HTR1F: variants seen among roughly 807,000 people sequenced by gnomAD.
The protein encoded by HTR1F is 5-hydroxytryptamine (serotonin) receptor 1F, G protein-coupled.
In HTR1F, 17 loss-of-function variants were observed where a neutral mutation model predicts 24.0. The observed-to-expected ratio is 0.71, with a 90% confidence interval of 0.48 to 1.06. The LOEUF is 1.06. HTR1F is among the 50% of genes least tolerant of loss of function. HTR1F has a pLI of 0.00. For synonymous variants in HTR1F, 186 were observed against 156.8 expected, an observed-to-expected ratio of 1.19 and a Z score of -1.39; for missense variants, 391 against 427.8, an observed-to-expected ratio of 0.91 and a Z score of 0.76.
Position 87,991,331 on chromosome 3 carries a change from G to C in HTR1F, c.582G>C (p.Leu194=), listed in dbSNP as rs200158656. ...CATTTGGAGCTTTCTACATCCCACT[G>C]GCATTGATTTTGATCCTTTACTACA... ...YSTFGAFYIP[L]ALILILYYKI... Residue 194 remains leucine (L), a synonymous_variant, in exon 3 of 3, where the codon CTG becomes CTC. Transcript: ENST00000319595. 31 of 1,613,836 alleles carry C rather than the reference G, an allele frequency of 1.9e-5. 1 individual carries two copies. Among genetic ancestry groups the C allele is most frequent in the Non-Finnish European group, 2.6e-5 (31 of 1,179,962 alleles).
chr3:87,932,221 A>G (rs1271836075), intron 2 of HTR1F, among the ~76,000 whole-genome samples: 1 of 152,130 alleles, frequency 6.6e-6, no homozygotes, highest in East Asian at 1.9e-4. Context: ...TAATTTTTGT[A>G]TAAGGTGTAA....
At chr3:87,801,195 A>G (rs1382530778) in intron 1 of HTR1F, among the ~76,000 whole-genome samples, 1 of 152,230 alleles carries the variant, frequency 6.6e-6, no homozygotes. Context: ...TCTTTTGCAG[A>G]GGCTTAACTT....
intron 2 of HTR1F, among the ~76,000 whole-genome samples, chr3:87,904,707 C>A (rs1703620526): frequency 6.6e-6 from 1 of 152,068 alleles, no homozygotes; most frequent in African/African-American, 2.4e-5. Flanking sequence ...AACTCACTAT[C>A]ATAATGTTGA....
chr3:87,888,615 G>C (rs1218545521), intron 2 of HTR1F, among the ~76,000 whole-genome samples: 1 of 152,026 alleles, frequency 6.6e-6, no homozygotes, highest in East Asian at 1.9e-4. Flanking sequence ...TGGGAAATCT[G>C]GTTATTGAAT....
In HTR1F at chr3:87,884,956, T is replaced by C. The variant is rs144966565; in HGVS notation, c.-43+62832T>C. On this transcript the variant is annotated intron_variant, in intron 2 of 2. Transcript: ENST00000319595. ...ATGAGTCAGAAGGTTAACAAGGATA[T>C]CCAGGACTTGAACTCAGCTCTGCAT... Among the ~76,000 whole-genome samples the C allele has an allele frequency of 1.3e-3, 205 of 152,254 alleles. 2 individuals are homozygous for C. Among genetic ancestry groups the C allele is most frequent in the African/African-American group, 4.7e-3 (196 of 41,556 alleles).
chr3:87,934,812 C>T (rs10511135), intron 2 of HTR1F, among the ~76,000 whole-genome samples: 3 of 152,110 alleles, frequency 2.0e-5, no homozygotes, highest in Admixed American at 6.6e-5. Flanking sequence ...CTAAGAAGTA[C>T]GGAGTTGCAT....
intron 2 of HTR1F, among the ~76,000 whole-genome samples, chr3:87,910,741 A>G (rs900062894): frequency 9.9e-5 from 15 of 152,050 alleles, no homozygotes; most frequent in African/African-American, 3.6e-4. Context: ...TCCTCAGCAA[A>G]TTCAAAAGAA....
At chr3:87,959,992 T>C (rs2107476785) in intron 2 of HTR1F, among the ~76,000 whole-genome samples, 1 of 152,128 alleles carries the variant, frequency 6.6e-6, no homozygotes, top group South Asian at 2.1e-4. Context: ...AATAGTAACA[T>C]TATTTCTTTT....
At chr3:87,873,662 G>A (rs1575972166) in intron 2 of HTR1F, among the ~76,000 whole-genome samples, 1 of 152,066 alleles carries the variant, frequency 6.6e-6, no homozygotes. Context: ...CACAAATATT[G>A]ATGCAAAAAT....
At chr3:87,867,366 T>A (rs184842386) in intron 2 of HTR1F, among the ~76,000 whole-genome samples, 1 of 151,952 alleles carries the variant, frequency 6.6e-6, no homozygotes, top group Admixed American at 6.6e-5. Context: ...TGTCTCTCTC[T>A]CTCTCTCTCA....
chr3:87,887,041 A>C (rs538574601), intron 2 of HTR1F, among the ~76,000 whole-genome samples: 1 of 152,300 alleles, frequency 6.6e-6, no homozygotes, highest in South Asian at 2.1e-4. Flanking sequence ...AAAAAGAACA[A>C]AGCTGGAGGC....
intron 2 of HTR1F, among the ~76,000 whole-genome samples, chr3:87,943,180 C>G (rs1704612090): frequency 6.6e-6 from 1 of 152,182 alleles, no homozygotes; most frequent in African/African-American, 2.4e-5. Flanking sequence ...GGGAATCGTT[C>G]TCTTTCTTCT....
At chr3:87,890,789 G>A (rs1165392980) in intron 2 of HTR1F, among the ~76,000 whole-genome samples, 4 of 151,560 alleles carry the variant, frequency 2.6e-5, no homozygotes, top group African/African-American at 7.3e-5. Context: ...ATTGATGCTA[G>A]GACTAAAGTT....
intron 1 of HTR1F, among the ~76,000 whole-genome samples, chr3:87,793,988 G>C (rs1041715913): frequency 6.7e-6 from 1 of 149,852 alleles, no homozygotes; most frequent in African/African-American, 2.5e-5. Flanking sequence ...AAAAAAGAGA[G>C]AGAGAAAACA....
chr3:87,849,615 A>C (rs959906577), intron 2 of HTR1F, among the ~76,000 whole-genome samples: 5 of 151,958 alleles, frequency 3.3e-5, no homozygotes, highest in African/African-American at 1.2e-4. Flanking sequence ...AATGGGATCT[A>C]ATTAAACTAA....
intron 2 of HTR1F, among the ~76,000 whole-genome samples, chr3:87,914,441 C>G (rs746507568): frequency 6.6e-5 from 10 of 152,046 alleles, no homozygotes; most frequent in Non-Finnish European, 1.5e-4. Context: ...AGGTGGGTAT[C>G]CTGGGGCAAG....
intron 2 of HTR1F, among the ~76,000 whole-genome samples, chr3:87,886,146 T>A (rs1249917384): frequency 6.6e-6 from 1 of 152,150 alleles, no homozygotes; most frequent in East Asian, 1.9e-4. Context: ...TCCACCACGA[T>A]CAAGTTGTCT....
intron 2 of HTR1F, among the ~76,000 whole-genome samples, chr3:87,889,028 G>A (rs978858447): frequency 2.6e-5 from 4 of 152,082 alleles, no homozygotes; most frequent in African/African-American, 9.7e-5. Context: ...TCTTCCTGGT[G>A]GGGAAGACAG....
chr3:87,970,728 T>A (rs1400370899), intron 2 of HTR1F, among the ~76,000 whole-genome samples: 1 of 152,230 alleles, frequency 6.6e-6, no homozygotes, highest in African/African-American at 2.4e-5. Flanking sequence ...CTAAACTTAT[T>A]TCCCTATTGG....
Sources: allele counts gnomAD v4.1 joint callset (sites outside exome capture counted in the v4.1 genomes callset), GRCh38; gene constraint gnomAD v4.1.1; transcripts MANE v1.5; gene names NCBI Gene and HGNC (gene_info 2026-07-23, HGNC 2026-07-21).